Variants in SH2D3C observed in about 807,000 individuals in gnomAD.
SH2D3C encodes the protein SH2 domain containing 3C, also known as SH2 domain-containing protein 3C.
Under a neutral mutation model 75.2 loss-of-function variants are expected in SH2D3C, and 25 were observed. The ratio of observed to expected loss-of-function variants is 0.33; its 90% CI spans 0.24 to 0.46. The LOEUF is 0.46. Ranked by LOEUF, SH2D3C falls within the 20% of genes least tolerant of loss-of-function variation. SH2D3C has a pLI of 1.00. For synonymous variants in SH2D3C, 450 were observed against 473.7 expected, an observed-to-expected ratio of 0.95 and a Z score of 0.65; for missense variants, 933 against 1,165.3, an observed-to-expected ratio of 0.80 and a Z score of 2.90.
intron 6 of SH2D3C, among the ~76,000 whole-genome samples, chr9:127,745,350 A>C (rs1844997197): frequency 6.6e-6 from 1 of 150,678 alleles, no homozygotes; most frequent in Non-Finnish European, 1.5e-5. Flanking sequence ...AGCCTTGGGG[A>C]CCCACTGCTT....
chr9:127,753,353 G>A (rs1845256956), intron 3 of SH2D3C, among the ~76,000 whole-genome samples: 1 of 149,612 alleles, frequency 6.7e-6, no homozygotes, highest in South Asian at 2.1e-4. Context: ...CTAGAAGGAT[G>A]ATTGGGACAT....
chr9:127,755,178 G>C, intron 3 of SH2D3C: 1 of 1,213,294 alleles, frequency 8.2e-7, no homozygotes, highest in Non-Finnish European at 1.0e-6. Context: ...CAGGCTGCCG[G>C]GGCCGGGACG....
chr9:127,743,380 G>A (rs1411676551), intron 7 of SH2D3C, among the ~76,000 whole-genome samples: 4 of 152,200 alleles, frequency 2.6e-5, no homozygotes, highest in Non-Finnish European at 4.4e-5. Context: ...GCGCGTGCCT[G>A]TAGTCCCAGC....
chr9:127,747,015 A>C, intron 6 of SH2D3C, 132 bp downstream of exon 6: 1 of 801,528 alleles, frequency 1.2e-6, no homozygotes, highest in Non-Finnish European at 2.0e-6. Context: ...GCAGGATTCC[A>C]GTGTCAGTTC....
chr9:127,771,519 C>A, intron 2 of SH2D3C: 1 of 486,724 alleles, frequency 2.1e-6, no homozygotes, highest in Non-Finnish European at 3.3e-6. Context: ...CCTAGCACAC[C>A]CCTCCGCCTC....
At chr9:127,753,824 A>G (rs1279997969) in intron 3 of SH2D3C, among the ~76,000 whole-genome samples, 2 of 152,214 alleles carry the variant, frequency 1.3e-5, no homozygotes, top group African/African-American at 4.8e-5. Context: ...CCAGTTCCAC[A>G]GCTGGAGCTA....
At chr9:127,758,399 A>C (rs1210456544) in intron 3 of SH2D3C, among the ~76,000 whole-genome samples, 2 of 152,124 alleles carry the variant, frequency 1.3e-5, no homozygotes, top group African/African-American at 4.8e-5. Flanking sequence ...CTACATTTTT[A>C]AACCCTAAAA....
At chr9:127,764,087 A>G (rs1845587520) in intron 2 of SH2D3C, among the ~76,000 whole-genome samples, 1 of 152,176 alleles carries the variant, frequency 6.6e-6, no homozygotes, top group Admixed American at 6.5e-5. Flanking sequence ...ACACTGGATC[A>G]ACCCAGCGCT....
At chr9:127,745,480 T>C (rs989013912) in intron 6 of SH2D3C, among the ~76,000 whole-genome samples, 8 of 145,984 alleles carry the variant, frequency 5.5e-5, no homozygotes, top group African/African-American at 1.8e-4. Flanking sequence ...TTTTTTTTTT[T>C]TGAGTCACTG....
chr9:127,755,342 G>A (rs1031112788), intron 3 of SH2D3C: 2 of 528,058 alleles, frequency 3.8e-6, no homozygotes, highest in African/African-American at 2.0e-5. Flanking sequence ...CAGCCGGCCA[G>A]GGGAGGGGAG....
At chr9:127,757,253 T>A (rs186731802) in intron 3 of SH2D3C, among the ~76,000 whole-genome samples, 69 of 149,918 alleles carry the variant, frequency 4.6e-4, no homozygotes, top group Non-Finnish European at 7.4e-5. Context: ...AACTATTGAT[T>A]CCTTTTAACC....
intron 6 of SH2D3C, 80 bp from the exon 7 acceptor site, chr9:127,745,179 A>G (rs925275639): frequency 2.1e-5 from 26 of 1,225,124 alleles, no homozygotes; most frequent in Non-Finnish European, 2.7e-5. Flanking sequence ...CCCAAAGAAC[A>G]GGCTCCCTCA....
At chr9:127,745,200 G>A (rs916630776) in intron 6 of SH2D3C, 101 bp from the exon 7 acceptor site, 44 of 981,218 alleles carry the variant, frequency 4.5e-5, no homozygotes, top group Non-Finnish European at 5.4e-5. Flanking sequence ...CTCCTTGTAG[G>A]GAGTACAGAG....
In SH2D3C at chr9:127,754,626, C is replaced by T. The variant is rs1845305628; in HGVS notation, c.556-3326G>A. Reference sequence around the variant, plus strand: ...GGTGGCGGGCGCTCTGGCCCCAACCCTGGCATCCGAAGCATCCCCCGCGTT... The same window carrying T: ...GGTGGCGGGCGCTCTGGCCCCAACCTTGGCATCCGAAGCATCCCCCGCGTT... On this transcript the variant is annotated intron_variant, in intron 3 of 11. Coordinates refer to ENST00000314830, the MANE Select transcript of SH2D3C (RefSeq NM_170600.3). This position sits in a 1 kb window ranked among gnomAD's most constrained non-coding sequence, Gnocchi z 4.4. Among the ~76,000 whole-genome samples the T allele has an allele frequency of 6.6e-6, 1 of 152,308 alleles. No individual in the cohort carries two copies. Among genetic ancestry groups the T allele is most frequent in the Admixed American group, 6.5e-5 (1 of 15,304 alleles).
chr9:127,741,113 G>C (rs897873793), intron 9 of SH2D3C, among the ~76,000 whole-genome samples: 1 of 152,188 alleles, frequency 6.6e-6, no homozygotes, highest in Non-Finnish European at 1.5e-5. Flanking sequence ...CACTCCATTT[G>C]TAAAATGTGG....
chr9:127,740,129 AG>A (rs1330014446), intron 10 of SH2D3C, 128 bp downstream of exon 10: 4 of 821,946 alleles, frequency 4.9e-6, no homozygotes, highest in Non-Finnish European at 7.8e-6. Context: ...AGCTGCCAGC[AG>A]GAACAGTGAG....
At chr9:127,768,882 T>C (rs978897607) in intron 2 of SH2D3C, among the ~76,000 whole-genome samples, 1 of 151,466 alleles carries the variant, frequency 6.6e-6, no homozygotes, top group Non-Finnish European at 1.5e-5. Flanking sequence ...CTTGGCCTGG[T>C]ATGCTCCTTC....
At chr9:127,767,934 C>G (rs1261659105) in intron 2 of SH2D3C, among the ~76,000 whole-genome samples, 1 of 152,214 alleles carries the variant, frequency 6.6e-6, no homozygotes, top group East Asian at 1.9e-4. Flanking sequence ...GGTCCAGCAG[C>G]CTGCAACTGG....
At position 127,774,423 on chromosome 9, in the gene SH2D3C, G is replaced by C. The variant is rs201637826; in HGVS notation, c.82C>G (p.Arg28Gly). 1.9e-6 allele frequency: 3 copies of C among 1,612,364 alleles called. No homozygotes were observed. Among genetic ancestry groups the C allele is most frequent in the Non-Finnish European group, 1.7e-6 (2 of 1,178,512 alleles). Residue 28 changes from arginine (R) to glycine (G), a missense_variant, in exon 2 of 12, where the codon CGG (arginine) becomes GGG (glycine). Physicochemically the swap from Arg to Gly is moderately radical, Grantham distance 125. Transcript: ENST00000314830. This position sits in a 1 kb window ranked among gnomAD's most constrained non-coding sequence, Gnocchi z 4.3. ...GAGGATCGTCTCAGAGTGAAGGACC[G>C]AGGGAGGTTGGAGAGACTCCCAAAG... ...KGFGSLSNLPRSFTLRRSSAS... is the reference protein window; with the variant it reads ...KGFGSLSNLPGSFTLRRSSAS...
Sources: gnomAD v4.1 joint callset for allele counts (sites outside exome capture counted in the v4.1 genomes callset) on GRCh38, gnomAD v4.1.1 for gene constraint, Gnocchi (gnomAD v3.1) non-coding constraint, MANE v1.5 for transcripts, NCBI Gene and HGNC (gene_info 2026-07-23, HGNC 2026-07-21) for gene names.